WDR70: variants seen among roughly 807,000 people sequenced by gnomAD.
WDR70 encodes WD repeat-containing protein 70.
In WDR70, 53 loss-of-function variants were observed where a neutral mutation model predicts 88.6. That is an observed-to-expected ratio of 0.60 (90% confidence interval 0.48 to 0.75). The LOEUF (loss-of-function observed/expected upper bound fraction) is 0.75. Ranked by LOEUF, WDR70 falls within the 30% of genes least tolerant of loss-of-function variation. The pLI is 0.00. For missense variants in WDR70, 610 were observed against 823.2 expected, an observed-to-expected ratio of 0.74 and a Z score of 3.17; for synonymous variants, 280 against 270.0, an observed-to-expected ratio of 1.04 and a Z score of -0.36.
chr5:37,579,533 G>A (rs545745671), intron 9 of WDR70, among the ~76,000 whole-genome samples: 14 of 140,996 alleles, frequency 9.9e-5, no homozygotes, highest in African/African-American at 1.6e-4. Flanking sequence ...GCAGTGAGCC[G>A]AGATTGCATC....
chr5:37,669,274 G>T (rs1745951647), intron 10 of WDR70, among the ~76,000 whole-genome samples: 4 of 151,896 alleles, frequency 2.6e-5, no homozygotes, highest in Admixed American at 2.6e-4. Context: ...ATGCTGAATG[G>T]ACTTTTCAGA....
chr5:37,737,614 G>A (rs1276678120), intron 17 of WDR70, among the ~76,000 whole-genome samples: 1 of 152,132 alleles, frequency 6.6e-6, no homozygotes, highest in Non-Finnish European at 1.5e-5. Flanking sequence ...TTTCGTGCAT[G>A]TTTTTTAATA....
intron 13 of WDR70, among the ~76,000 whole-genome samples, chr5:37,719,824 T>TTTTCTTTC (rs1328649601): frequency 2.0e-5 from 3 of 146,444 alleles, no homozygotes; most frequent in African/African-American, 7.5e-5. Context: ...TTCTTTGTTT[T>TTTTCTTTC]TTTCTTTCTT....
intron 5 of WDR70, among the ~76,000 whole-genome samples, chr5:37,434,899 G>A (rs1444444149): frequency 6.6e-6 from 1 of 152,098 alleles, no homozygotes; most frequent in Non-Finnish European, 1.5e-5. Flanking sequence ...TACTGTTATA[G>A]CAAATTTCAC....
intron 7 of WDR70, among the ~76,000 whole-genome samples, chr5:37,468,323 A>C (rs1739224937): frequency 6.6e-6 from 1 of 152,196 alleles, no homozygotes; most frequent in Non-Finnish European, 1.5e-5. Context: ...TATAATTTAT[A>C]ATTTCCAAAC....
At chr5:37,406,509 T>G (rs1749358184) in intron 5 of WDR70, among the ~76,000 whole-genome samples, 1 of 152,240 alleles carries the variant, frequency 6.6e-6, no homozygotes, top group Non-Finnish European at 1.5e-5. Context: ...TGTGTGATTT[T>G]GGGCACATTA....
At chr5:37,647,377 CTTAG>C (rs1301006399) in intron 10 of WDR70, among the ~76,000 whole-genome samples, 3 of 152,124 alleles carry the variant, frequency 2.0e-5, no homozygotes, top group African/African-American at 4.8e-5. Flanking sequence ...TGGTGCCTTA[CTTAG>C]TTTGTTTGGT....
At chr5:37,517,760 T>C (rs1740932879) in intron 9 of WDR70, among the ~76,000 whole-genome samples, 1 of 151,494 alleles carries the variant, frequency 6.6e-6, no homozygotes, top group Non-Finnish European at 1.5e-5. Flanking sequence ...CAATGCATAA[T>C]AATCACATCA....
At chr5:37,636,619 T>C (rs1053429935) in intron 10 of WDR70, among the ~76,000 whole-genome samples, 3 of 152,206 alleles carry the variant, frequency 2.0e-5, no homozygotes, top group Admixed American at 6.5e-5. Context: ...TAAATCTTGA[T>C]ATGATGCATA....
At chr5:37,406,711 G>A (rs1369379136) in intron 5 of WDR70, among the ~76,000 whole-genome samples, 1 of 151,948 alleles carries the variant, frequency 6.6e-6, no homozygotes, top group African/African-American at 2.4e-5. Context: ...AGCAAAAGAG[G>A]AATTGAAAAA....
At chr5:37,424,697 C>T (rs888716124) in intron 5 of WDR70, among the ~76,000 whole-genome samples, 1 of 152,122 alleles carries the variant, frequency 6.6e-6, no homozygotes, top group Non-Finnish European at 1.5e-5. Flanking sequence ...GCATGAGTCA[C>T]CATGCCCAAC....
At chr5:37,434,195 A>G (rs540267804) in intron 5 of WDR70, among the ~76,000 whole-genome samples, 1 of 152,280 alleles carries the variant, frequency 6.6e-6, no homozygotes, top group South Asian at 2.1e-4. Flanking sequence ...AAATGCTTAT[A>G]AAAAACCATC....
chr5:37,516,626 A>G, intron 9 of WDR70, 36 bp downstream of exon 9: 2 of 1,401,474 alleles, frequency 1.4e-6, no homozygotes, highest in Non-Finnish European at 2.0e-6. Context: ...ATACATTCAT[A>G]TCTTTAGGTA....
intron 17 of WDR70, among the ~76,000 whole-genome samples, chr5:37,740,752 G>A (rs1436020939): frequency 6.6e-6 from 1 of 152,144 alleles, no homozygotes; most frequent in East Asian, 1.9e-4. Context: ...CCAGATATGA[G>A]AAATATTTTC....
At chr5:37,452,083 T>C (rs1479562141) in intron 7 of WDR70, among the ~76,000 whole-genome samples, 1 of 152,220 alleles carries the variant, frequency 6.6e-6, no homozygotes, top group African/African-American at 2.4e-5. Flanking sequence ...CTCTTTATTT[T>C]GTTGAATCAT....
At chr5:37,528,873 C>T (rs1340773746) in intron 9 of WDR70, among the ~76,000 whole-genome samples, 1 of 144,508 alleles carries the variant, frequency 6.9e-6, no homozygotes, top group Non-Finnish European at 1.5e-5. Flanking sequence ...GGTTCTTGGT[C>T]ATGAAGTCTT....
chr5:37,481,293 C>A (rs1739660635), intron 8 of WDR70, among the ~76,000 whole-genome samples: 1 of 152,296 alleles, frequency 6.6e-6, no homozygotes, highest in African/African-American at 2.4e-5. Flanking sequence ...CCCCATATTT[C>A]CCTTTGACAC....
Position 37,752,639 on chromosome 5 carries a change from T to TA in WDR70, c.*67dup, listed in dbSNP as rs1748849179. The TA allele has an allele frequency of 1.8e-6, 2 of 1,130,028 alleles. No individual in the cohort carries two copies. Among genetic ancestry groups the TA allele is most frequent in the Admixed American group, 2.6e-5 (1 of 38,594 alleles). 70.0% of individuals were successfully genotyped at this position (1,130,028 alleles called of 1,614,324 possible). On this transcript the variant is annotated 3_prime_UTR_variant, in exon 18 of 18. Coordinates refer to ENST00000265107, the MANE Select transcript of WDR70 (RefSeq NM_018034.4). The stretch of plus-strand genomic sequence containing the variant: ...ATGGGACAGGTTTGGGTTTTTTTTT[T>TA]ATGCTCATGAAATTAAAAATTCATT...
At chr5:37,406,414 C>G (rs769754199) in intron 5 of WDR70, among the ~76,000 whole-genome samples, 2 of 152,290 alleles carry the variant, frequency 1.3e-5, no homozygotes, top group South Asian at 2.1e-4. Flanking sequence ...GAAAAAGGAG[C>G]AAAATACAGA....
Sources: allele counts gnomAD v4.1 joint callset (sites outside exome capture counted in the v4.1 genomes callset), GRCh38; gene constraint gnomAD v4.1.1; transcripts MANE v1.5; gene names NCBI Gene and HGNC (gene_info 2026-07-23, HGNC 2026-07-21).